Variants in TJP2 observed in about 807,000 individuals in gnomAD.
TJP2 encodes tight junction protein 2, also known as Friedreich ataxia region gene X104 (tight junction protein ZO-2).
In TJP2, 91 loss-of-function variants were observed where a neutral mutation model predicts 133.1. That is an observed-to-expected ratio of 0.68 (90% CI 0.58 to 0.81). The LOEUF (loss-of-function observed/expected upper bound fraction) is 0.81, where lower values mean the gene tolerates loss of function less well. TJP2 is among the 40% of genes least tolerant of loss of function. The pLI, the probability that TJP2 is intolerant of heterozygous loss-of-function variation, is 0.00. For synonymous variants in TJP2, 592 were observed against 583.4 expected, an observed-to-expected ratio of 1.01 and a Z score of -0.21; for missense variants, 1,541 against 1,565.6, an observed-to-expected ratio of 0.98 and a Z score of 0.26.
At chr9:69,188,823 C>T (rs1436246767) in intron 1 of TJP2, among the ~76,000 whole-genome samples, 6 of 152,128 alleles carry the variant, frequency 3.9e-5, no homozygotes, top group Admixed American at 2.0e-4. Context: ...CCATAGCCTC[C>T]AGTTAGAAAT....
chr9:69,216,798 A>G (rs1032137430), intron 3 of TJP2, among the ~76,000 whole-genome samples: 14 of 152,052 alleles, frequency 9.2e-5, no homozygotes, highest in Non-Finnish European at 1.9e-4. Flanking sequence ...AACACTGTTT[A>G]TGTTTGTTTT....
intron 1 of TJP2, among the ~76,000 whole-genome samples, chr9:69,179,154 C>G (rs1825306193): frequency 6.6e-6 from 1 of 152,158 alleles, no homozygotes. Context: ...AGTAGACTCT[C>G]TAGTGATGTG....
chr9:69,249,857 G>A (rs1248156023), intron 20 of TJP2: 6 of 540,370 alleles, frequency 1.1e-5, no homozygotes, highest in Non-Finnish European at 1.2e-5. Context: ...TGCCCAGTCT[G>A]ATTTAGATGC....
intron 9 of TJP2, among the ~76,000 whole-genome samples, chr9:69,228,547 GATATGTATACAT>G (rs1300173471): frequency 2.6e-5 from 4 of 152,066 alleles, no homozygotes; most frequent in Admixed American, 1.3e-4. Context: ...TAAATACATA[GATATGTATACAT>G]ATATGTATGC....
At position 69,222,747 on chromosome 9, in the gene TJP2, G is replaced by A. The variant is rs1381127277; in HGVS notation, c.952+1251G>A. ...CACCCCTTAGAAATGCAGACTCTCA[G>A]GCCCAACCCAGTCCCACCAGCTCAG... On this transcript the variant is annotated intron_variant, in intron 5 of 22. Transcript: ENST00000377245. Among the ~76,000 whole-genome samples, 4 of 152,156 alleles carry A rather than the reference G, an allele frequency of 2.6e-5. No individual in the cohort carries two copies. The East Asian group carries it at 7.8e-4, about 30-fold the overall frequency.
rs767371290 is a variant in TJP2, at chr9:69,221,009, C to A, written c.465C>A (p.Tyr155Ter). 4.3e-6 allele frequency: 7 copies of A among 1,611,066 alleles called. No individual in the cohort carries two copies. In the Admixed American group the frequency reaches 1.0e-4, roughly 23 times the overall value. ...EFDGRSFRSG[Y>*]SERSRLNSHG... is the part of the protein sequence containing the mutation. ...ATGGCAGAAGTTTCCGGAGTGGCTA[C>A]AGCGAGAGGAGCCGGCTGAACAGCC... The change falls in exon 5 of 23, where the codon TAC (tyrosine) becomes TAA (stop). Residue 155 changes from tyrosine to a stop codon, truncating the protein, a stop_gained. Transcript: ENST00000377245. LOFTEE classifies it high-confidence loss of function.
At chr9:69,170,669 C>T (rs536093674), upstream of TJP2, among the ~76,000 whole-genome samples, 3 of 152,300 alleles carry the variant, frequency 2.0e-5, no homozygotes, top group East Asian at 5.8e-4. Flanking sequence ...AATTGACCTC[C>T]TCGAAATTCC....
chr9:69,129,340 G>A (rs147133387), intron 1 of TJP2, among the ~76,000 whole-genome samples: 9,261 of 151,904 alleles, frequency 0.061, 404 homozygotes, highest in East Asian at 0.22. Flanking sequence ...GTGAAACCCA[G>A]TCTCTACTAA....
At chr9:69,200,796 C>G (rs1293033120) in intron 1 of TJP2, among the ~76,000 whole-genome samples, 1 of 152,176 alleles carries the variant, frequency 6.6e-6, no homozygotes, top group African/African-American at 2.4e-5. Context: ...TTGTTTCCCA[C>G]CCCAGGGCCT....
intron 17 of TJP2, among the ~76,000 whole-genome samples, chr9:69,241,724 G>A (rs1368444792): frequency 6.6e-6 from 1 of 152,108 alleles, no homozygotes; most frequent in Non-Finnish European, 1.5e-5. Context: ...GTAAAGAGTG[G>A]TACAGCCTTC....
chr9:69,143,674 A>G (rs752061283), intron 1 of TJP2, among the ~76,000 whole-genome samples: 39 of 152,222 alleles, frequency 2.6e-4, no homozygotes, highest in Non-Finnish European at 4.4e-4. Flanking sequence ...GTCAGATTAT[A>G]TTAATTGCAT....
chr9:69,249,314 C>T lies in TJP2; in HGVS notation c.2881-61C>T, dbSNP rs189052640. 1,706 of 1,555,360 alleles carry T rather than the reference C, an allele frequency of 1.1e-3. 2 individuals are homozygous for T. Among genetic ancestry groups the T allele is most frequent in the Non-Finnish European group, 1.2e-3 (1,339 of 1,148,640 alleles). On this transcript the variant is annotated intron_variant, in intron 19 of 22. Coordinates refer to ENST00000377245, the MANE Select transcript of TJP2 (RefSeq NM_004817.4). ...GTTTGCAGAACTCCTCCAAAGCAGT[C>T]GAGTGCTCTGTTCTCTCTGCTTGGA...
At chr9:69,182,234 C>T (rs575350015) in intron 1 of TJP2, among the ~76,000 whole-genome samples, 1 of 152,274 alleles carries the variant, frequency 6.6e-6, no homozygotes, top group East Asian at 1.9e-4. Context: ...CTTTGCCTTC[C>T]TTGGGCTGGT....
chr9:69,202,031 A>G (rs1352599672), intron 1 of TJP2, among the ~76,000 whole-genome samples: 3 of 152,236 alleles, frequency 2.0e-5, no homozygotes, highest in Non-Finnish European at 2.9e-5. Context: ...TGAGTTCAGT[A>G]TATTCTGAAG....
intron 1 of TJP2, among the ~76,000 whole-genome samples, chr9:69,200,099 G>T (rs1826877542): frequency 6.6e-6 from 1 of 152,170 alleles, no homozygotes; most frequent in Admixed American, 6.5e-5. Context: ...TGACATGTCT[G>T]TCCCTGCTGA....
intron 6 of TJP2, 66 bp downstream of exon 6, chr9:69,225,473 C>G: frequency 1.9e-6 from 2 of 1,047,366 alleles, no homozygotes; most frequent in Non-Finnish European, 3.0e-6. Flanking sequence ...TGTCCACATT[C>G]AGCACCCACA....
At chr9:69,156,352 ACT>A (rs1823755774) in intron 2 of TJP2, among the ~76,000 whole-genome samples, 1 of 151,842 alleles carries the variant, frequency 6.6e-6, no homozygotes, top group Admixed American at 6.6e-5. Context: ...ACAGAGTGAG[ACT>A]CTGTCCCAAA....
chr9:69,234,637 C>G, intron 12 of TJP2, 90 bp downstream of exon 12: 1 of 994,418 alleles, frequency 1.0e-6, no homozygotes, highest in Non-Finnish European at 1.5e-6. Context: ...ATAGGCAAAT[C>G]TGGGTATTAA....
intron 1 of TJP2, among the ~76,000 whole-genome samples, chr9:69,198,308 A>T (rs1448219974): frequency 6.6e-6 from 1 of 151,994 alleles, no homozygotes; most frequent in African/African-American, 2.4e-5. Context: ...CACCCAGCGA[A>T]TTTTTTTATT....
Sources: gnomAD v4.1 joint callset for allele counts (sites outside exome capture counted in the v4.1 genomes callset) on GRCh38, gnomAD v4.1.1 for gene constraint, MANE v1.5 for transcripts, NCBI Gene and HGNC (gene_info 2026-07-23, HGNC 2026-07-21) for gene names.